The following ATE1 variants were observed in gnomAD, a reference collection of about 807,000 sequenced individuals.
ATE1 encodes the protein arginyl-tRNA--protein transferase 1.
Under a neutral mutation model 70.5 loss-of-function variants are expected in ATE1, and 36 were observed. The ratio of observed to expected loss-of-function variants is 0.51; its 90% CI spans 0.39 to 0.67. The LOEUF is 0.67. ATE1 is among the 30% of genes least tolerant of loss of function. The pLI is 0.00. For missense variants in ATE1, 593 were observed against 629.5 expected (o/e 0.94, Z 0.62); for synonymous variants, 232 against 219.3 (o/e 1.06, Z -0.51).
chr10:121,862,608 A>G (rs1362562877), intron 8 of ATE1, among the ~76,000 whole-genome samples: 2 of 136,982 alleles, frequency 1.5e-5, no homozygotes, highest in African/African-American at 5.6e-5. Context: ...TCCTGAGCTC[A>G]AGTGATCTAC....
At position 121,841,902 on chromosome 10, in the gene ATE1, A is replaced by C. The variant is rs566356748; in HGVS notation, c.976-639T>G. 3.9e-5 allele frequency among the ~76,000 whole-genome samples: 6 copies of C among 152,316 alleles called. No homozygotes were observed. The South Asian group carries it at 1.2e-3, about 32-fold the overall frequency. On this transcript the variant is annotated intron_variant, in intron 8 of 11. Coordinates refer to ENST00000224652, the MANE Select transcript of ATE1 (RefSeq NM_001001976.3). ...AACACCACCTGTTCCCCAGAAACCT[A>C]CTGAAATAAAATAAATAAAATAAAA...
At chr10:121,916,732 G>C (rs1388121503) in intron 3 of ATE1, among the ~76,000 whole-genome samples, 2 of 152,100 alleles carry the variant, frequency 1.3e-5, no homozygotes, top group Non-Finnish European at 2.9e-5. Context: ...CTACTCGGGA[G>C]GCTAAGGCAG....
intron 8 of ATE1, among the ~76,000 whole-genome samples, chr10:121,847,627 A>G (rs1230791868): frequency 3.4e-5 from 5 of 146,886 alleles, no homozygotes; most frequent in Admixed American, 2.0e-4. Flanking sequence ...GCGTGGTGGC[A>G]TGTGCCTGTA....
chr10:121,819,624 G>A (rs1947702269), intron 10 of ATE1, among the ~76,000 whole-genome samples: 1 of 129,148 alleles, frequency 7.7e-6, no homozygotes, highest in Non-Finnish European at 1.6e-5. Context: ...GGAGAATGGC[G>A]TGAACCTGGG....
intron 11 of ATE1, among the ~76,000 whole-genome samples, chr10:121,756,608 A>G (rs1397130540): frequency 1.3e-5 from 2 of 152,200 alleles, no homozygotes; most frequent in East Asian, 1.9e-4. Context: ...CCAAACCCCA[A>G]TTCTTGACTT....
intron 7 of ATE1, among the ~76,000 whole-genome samples, chr10:121,872,254 G>T (rs1949887570): frequency 6.6e-6 from 1 of 152,172 alleles, no homozygotes; most frequent in Non-Finnish European, 1.5e-5. Flanking sequence ...TCTCCTTGAA[G>T]CTTCAACAAT....
chr10:121,826,743 T>C (rs142739694), intron 10 of ATE1, among the ~76,000 whole-genome samples: 1 of 152,328 alleles, frequency 6.6e-6, no homozygotes, highest in East Asian at 1.9e-4. Context: ...ACCCAACAGG[T>C]AGTTTTTCAG....
intron 8 of ATE1, 142 bp from the exon 9 acceptor site, chr10:121,841,405 A>G (rs185672608): frequency 1.4e-5 from 7 of 512,574 alleles, no homozygotes; most frequent in African/African-American, 9.9e-5. Context: ...CACACCCTAT[A>G]TTAAGCTGCA....
intron 10 of ATE1, among the ~76,000 whole-genome samples, chr10:121,822,216 G>A (rs978178568): frequency 1.3e-5 from 2 of 152,130 alleles, no homozygotes; most frequent in Non-Finnish European, 2.9e-5. Context: ...AATAATAAAC[G>A]ATCTGTTGCT....
At chr10:121,908,073 G>A (rs1951272503) in intron 5 of ATE1, among the ~76,000 whole-genome samples, 2 of 152,136 alleles carry the variant, frequency 1.3e-5, no homozygotes, top group Non-Finnish European at 2.9e-5. Context: ...CCAACTTAAA[G>A]AAGCTTTCAG....
chr10:121,839,168 G>A (rs1948538610), intron 9 of ATE1, among the ~76,000 whole-genome samples: 1 of 152,122 alleles, frequency 6.6e-6, no homozygotes, highest in Non-Finnish European at 1.5e-5. Context: ...AACCTTTCAT[G>A]ACCTCAGGCT....
chr10:121,829,232 G>A (rs762923841), intron 10 of ATE1, among the ~76,000 whole-genome samples: 2 of 152,070 alleles, frequency 1.3e-5, no homozygotes, highest in African/African-American at 2.4e-5. Context: ...AGACCATCCT[G>A]GCCAACATAG....
At chr10:121,791,108 T>TTTTTTGAGATAGA (rs1946438001) in intron 10 of ATE1, among the ~76,000 whole-genome samples, 1 of 145,868 alleles carries the variant, frequency 6.9e-6, no homozygotes, top group African/African-American at 2.5e-5. Flanking sequence ...TTTTTTTTTT[T>TTTTTTGAGATAGA]TTTGAGATAG....
At chr10:121,798,894 G>A (rs1353439717) in intron 10 of ATE1, among the ~76,000 whole-genome samples, 2 of 133,930 alleles carry the variant, frequency 1.5e-5, no homozygotes, top group Admixed American at 7.9e-5. Flanking sequence ...GTAAGACTCT[G>A]TCTCAAGAAA....
At chr10:121,815,662 C>T (rs1177734256) in intron 10 of ATE1, among the ~76,000 whole-genome samples, 1 of 152,138 alleles carries the variant, frequency 6.6e-6, no homozygotes, top group East Asian at 1.9e-4. Context: ...TCATACAGGA[C>T]AGTTTATTTC....
intron 5 of ATE1, among the ~76,000 whole-genome samples, chr10:121,909,415 A>C (rs1159795867): frequency 6.6e-6 from 1 of 152,212 alleles, no homozygotes; most frequent in Non-Finnish European, 1.5e-5. Context: ...TTCTTCAAGT[A>C]TAATAATGGT....
At chr10:121,901,081 C>T (rs1358076338) in intron 6 of ATE1, among the ~76,000 whole-genome samples, 2 of 152,098 alleles carry the variant, frequency 1.3e-5, no homozygotes, top group African/African-American at 4.8e-5. Context: ...GCCTGGCTGA[C>T]ATGGTGAAAC....
intron 10 of ATE1, among the ~76,000 whole-genome samples, chr10:121,836,340 C>T (rs922504327): frequency 7.9e-5 from 12 of 152,150 alleles, no homozygotes; most frequent in Non-Finnish European, 1.6e-4. Flanking sequence ...GTAAAGCAGA[C>T]GTGTTTGTTA....
intron 7 of ATE1, among the ~76,000 whole-genome samples, chr10:121,898,591 T>C (rs1219532011): frequency 6.6e-6 from 1 of 152,208 alleles, no homozygotes; most frequent in African/African-American, 2.4e-5. Context: ...ACTGTTGACC[T>C]AGAGTGGATG....
Sources: allele counts gnomAD v4.1 joint callset (sites outside exome capture counted in the v4.1 genomes callset), GRCh38; gene constraint gnomAD v4.1.1; transcripts MANE v1.5; gene names NCBI Gene and HGNC (gene_info 2026-07-23, HGNC 2026-07-21).